The following FOXP3 variants were observed in gnomAD, a reference collection of about 807,000 sequenced individuals.
The protein encoded by FOXP3 is forkhead box protein P3.
In FOXP3, 5 loss-of-function variants were observed where a neutral mutation model predicts 31.2. The observed-to-expected ratio is 0.16, with a 90% CI of 0.08 to 0.34. The LOEUF (loss-of-function observed/expected upper bound fraction) is 0.34. Ranked by LOEUF, FOXP3 falls within the 10% of genes least tolerant of loss-of-function variation. FOXP3 has a pLI of 1.00. For missense variants in FOXP3, 251 were observed against 363.0 expected (o/e 0.69, Z 2.51); for synonymous variants, 141 against 148.8 (o/e 0.95, Z 0.38).
chrX:49,258,633 T>A, intron 1 of FOXP3, 106 bp from the exon 2 acceptor site: 1 of 651,972 alleles, frequency 1.5e-6, no homozygotes, highest in Non-Finnish European at 2.2e-6. Context: ...AGGCATTGGC[T>A]GGGACATGTC....
At chrX:49,255,634 T>G (rs2066064637) in intron 7 of FOXP3, 81 bp downstream of exon 7, 3 of 1,118,707 alleles carry the variant, frequency 2.7e-6, no homozygotes, top group African/African-American at 1.8e-5. Flanking sequence ...TCGTCCCAGG[T>G]GAACTTGGTT....
intron 8 of FOXP3, among the ~76,000 whole-genome samples, chrX:49,254,725 GC>G (rs1247508624): frequency 5.4e-5 from 6 of 111,361 alleles, no homozygotes; most frequent in Non-Finnish European, 1.1e-4. Context: ...ACAGTGCCTG[GC>G]CTCCAGGGCT....
chrX:49,257,614 C>G lies in FOXP3; in HGVS notation c.316-49G>C, dbSNP rs782171326. 56 of 1,186,362 alleles carry G rather than the reference C, an allele frequency of 4.7e-5. No homozygotes were observed. In the South Asian group the frequency reaches 1.0e-3, roughly 22 times the overall value. On this transcript the variant is annotated intron_variant, in intron 3 of 11. Transcript: ENST00000376207. ...GTTCAGCCTGACTCGGGGCCCCTCC[C>G]CACAGTTCTCCCACCTGCTCCCTCC... is the stretch of plus-strand genomic sequence containing the variant.
At chrX:49,257,817 C>A in intron 2 of FOXP3, 49 bp from the exon 3 acceptor site, 5 of 1,002,018 alleles carry the variant, frequency 5.0e-6, no homozygotes, top group Non-Finnish European at 6.9e-6. Flanking sequence ...CCTCACTGTT[C>A]TGTGTCTAAT....
rs781844954 is a variant in FOXP3 at position 49,254,067 on chromosome X, C to T, written c.817G>A (p.Ala273Thr). ...KMALTKASSV[A>T]SSDKGSCCIV... ...CAGCAGGAGCCCTTGTCGGATGATGCCTGGGTGAGGGGGAGAGGCTGGTGA... is the reference window on the plus strand; with the variant it reads ...CAGCAGGAGCCCTTGTCGGATGATGTCTGGGTGAGGGGGAGAGGCTGGTGA... The change falls in exon 9 of 12, where the codon GCA (alanine) becomes ACA (threonine). Residue 273 changes from alanine to threonine, a missense_variant and splice_region_variant. Ala to Thr is a moderately conservative substitution (Grantham distance 58). Transcript: ENST00000376207. The T allele has an allele frequency of 8.3e-7, 1 of 1,207,482 alleles. No homozygotes were observed. Among genetic ancestry groups the T allele is most frequent in the East Asian group, 3.0e-5 (1 of 33,706 alleles).
chrX:49,255,007 G>T (rs2066059882), intron 8 of FOXP3, among the ~76,000 whole-genome samples: 1 of 106,261 alleles, frequency 9.4e-6, no homozygotes, highest in Admixed American at 1.0e-4. Flanking sequence ...GGAGTGCAGT[G>T]GTATGATCTC....
At position 49,250,830 on chromosome X, in the gene FOXP3, C is replaced by T. The variant is rs2066025159; in HGVS notation, c.*504G>A. Reference sequence around the variant, plus strand: ...TGGGCCCTGAGGCTGGCTGTGGGTGCGTGCCTTGGGGTGTGTGGGTTGTCA... The same window carrying T: ...TGGGCCCTGAGGCTGGCTGTGGGTGTGTGCCTTGGGGTGTGTGGGTTGTCA... On this transcript the variant is annotated 3_prime_UTR_variant, in exon 12 of 12. Transcript: ENST00000376207. 4.4e-6 allele frequency: 1 copy of T among 227,017 alleles called. No individual in the cohort carries two copies. 18.7% of individuals were successfully genotyped at this position (227,017 alleles called of 1,213,427 possible).
rs782596560 is a variant in FOXP3 at position 49,252,220 on chromosome X, AC to A, written c.1045-456del. Reference sequence around the variant, plus strand: ...TGGGTTAAGAGTCAGGCTGGGGTGGACTCAGGTGGGGGGTCTAGGGGTGAGG... The same window carrying A: ...TGGGTTAAGAGTCAGGCTGGGGTGGATCAGGTGGGGGGTCTAGGGGTGAGG... On this transcript the variant is annotated intron_variant, in intron 10 of 11. Coordinates refer to ENST00000376207, the MANE Select transcript of FOXP3 (RefSeq NM_014009.4). 9.6e-4 allele frequency among the ~76,000 whole-genome samples: 92 copies of A among 96,077 alleles called. 1 individual carries two copies. The highest frequency in any genetic ancestry group is 7.5e-4 in the Non-Finnish European group (36 of 48,268). 83.4% of individuals were successfully genotyped at this position (96,077 alleles called of 115,157 possible).
chrX:49,253,591 G>A (rs782258422), intron 9 of FOXP3, among the ~76,000 whole-genome samples: 2 of 112,087 alleles, frequency 1.8e-5, no homozygotes, highest in East Asian at 5.6e-4. Flanking sequence ...GAAAGGAGGT[G>A]CTCCTGGAAT....
intron 10 of FOXP3, among the ~76,000 whole-genome samples, chrX:49,252,524 T>G (rs1557115720): frequency 9.1e-6 from 1 of 109,877 alleles, no homozygotes; most frequent in East Asian, 2.9e-4. Context: ...TCTGGTATCA[T>G]GTAGGGGTGA....
chrX:49,255,836 C>A (rs373868419), intron 6 of FOXP3, 34 bp from the exon 7 acceptor site: 3 of 1,138,152 alleles, frequency 2.6e-6, no homozygotes, highest in Admixed American at 4.7e-5. Context: ...CAGGTGACCA[C>A]GACAGGCCTG....
At position 49,253,164 on chromosome X, in the gene FOXP3, T is replaced by A. The variant is rs2066044981; in HGVS notation, c.1006A>T (p.Met336Leu). ...GTGGCGTAGGTGAAAGGGGGTCGCA[T>A]GTTGTGGAACTTGAAGTAGTCCATG... is the stretch of plus-strand genomic sequence containing the variant. The part of the protein sequence containing the change: ...HNMDYFKFHN[M>L]RPPFTYATLI... The change falls in exon 10 of 12, where the codon ATG becomes TTG. Residue 336 changes from methionine to leucine, a missense_variant. Physicochemically the swap from Met to Leu is conservative, Grantham distance 15. This residue lies in a region of FOXP3 where 57 missense variants were observed against 60.9 expected (regional missense o/e 0.94). Transcript: ENST00000376207. 2 of 1,207,886 alleles carry A rather than the reference T, an allele frequency of 1.7e-6. No individual in the cohort carries two copies. The highest frequency in any genetic ancestry group is 2.2e-6 in the Non-Finnish European group (2 of 894,393).
At position 49,251,174 on chromosome X, in the gene FOXP3, C is replaced by T; in HGVS notation, c.*160G>A. 1 of 674,885 alleles carries T rather than the reference C, an allele frequency of 1.5e-6. No individual in the cohort carries two copies. Among genetic ancestry groups the T allele is most frequent in the Non-Finnish European group, 2.2e-6 (1 of 450,212 alleles). The allele number at this position is 674,885 out of a possible 1,213,427, so 55.6% of individuals were successfully genotyped here. A position where few individuals can be genotyped will look rare whatever the true frequency, so the allele number is the denominator to read the frequency against. On this transcript the variant is annotated 3_prime_UTR_variant, in exon 12 of 12. Coordinates refer to ENST00000376207, the MANE Select transcript of FOXP3 (RefSeq NM_014009.4). ...AAGGATATGATGGGGGAGGGGGTGG[C>T]TGCCAGCGGGGGAACAGGGGCCCTG...
At chrX:49,259,202 T>A in intron 1 of FOXP3, 1 of 525,939 alleles carries the variant, frequency 1.9e-6, no homozygotes. Context: ...CTTGAGCAGC[T>A]GGAAGGACCG....
At chrX:49,254,919 G>C in intron 8 of FOXP3, among the ~76,000 whole-genome samples, 1 of 109,380 alleles carries the variant, frequency 9.1e-6, no homozygotes, top group Non-Finnish European at 1.9e-5. Context: ...CAGGATCACA[G>C]TGTTTGGGGA....
chrX:49,256,207 TGAGA>T (rs1351260650), intron 6 of FOXP3, among the ~76,000 whole-genome samples: 1 of 82,791 alleles, frequency 1.2e-5, no homozygotes, highest in East Asian at 3.9e-4. Context: ...TGTGTGTGTG[TGAGA>T]GAGAGAGAAA....
At chrX:49,252,949 G>T (rs1283627107) in intron 10 of FOXP3, among the ~76,000 whole-genome samples, 177 bp downstream of exon 10, 1 of 109,968 alleles carries the variant, frequency 9.1e-6, no homozygotes, top group Admixed American at 9.7e-5. Flanking sequence ...GACAGGTTTG[G>T]GGTGAAGCCA....
At chrX:49,258,737 C>T (rs959086441) in intron 1 of FOXP3, among the ~76,000 whole-genome samples, 1 of 111,568 alleles carries the variant, frequency 9.0e-6, no homozygotes, top group Non-Finnish European at 1.9e-5. Context: ...TACATACCCA[C>T]ACATGCCCCA....
intron 9 of FOXP3, among the ~76,000 whole-genome samples, 168 bp from the exon 10 acceptor site, chrX:49,253,370 T>G (rs1282525904): frequency 2.7e-5 from 3 of 112,491 alleles, no homozygotes; most frequent in African/African-American, 9.7e-5. Context: ...GTATCATTTA[T>G]TCTTTGCACC....
Sources: gnomAD v4.1 joint callset for allele counts (sites outside exome capture counted in the v4.1 genomes callset) on GRCh38, gnomAD v4.1.1 for gene constraint, gnomAD v4.1.1 regional missense constraint, MANE v1.5 for transcripts, NCBI Gene and HGNC (gene_info 2026-07-23, HGNC 2026-07-21) for gene names.